Variants in SRGAP3 observed in about 807,000 individuals in gnomAD.
The protein encoded by SRGAP3 is SLIT-ROBO Rho GTPase-activating protein 3.
Under a neutral mutation model 121.1 loss-of-function variants are expected in SRGAP3, and 39 were observed. The observed-to-expected ratio is 0.32, with a 90% CI of 0.25 to 0.42. SRGAP3 has a LOEUF of 0.42. Among genes scored for constraint, SRGAP3 ranks in the 10% least tolerant of loss-of-function variants. The probability of loss-of-function intolerance (pLI) is 1.00; values close to 1 mark genes in which losing one functional copy is unlikely to be tolerated. For missense variants in SRGAP3, 1,213 were observed against 1,470.6 expected (o/e 0.82, Z 2.86); for synonymous variants, 601 against 570.0 (o/e 1.05, Z -0.77).
intron 2 of SRGAP3, among the ~76,000 whole-genome samples, chr3:9,107,747 A>G (rs112476928): frequency 2.2e-4 from 33 of 152,358 alleles, no homozygotes; most frequent in African/African-American, 7.9e-4. Flanking sequence ...ATTTGGATGC[A>G]TACTCAAGTT....
intron 4 of SRGAP3, among the ~76,000 whole-genome samples, chr3:9,078,609 T>C (rs866205122): frequency 3.9e-5 from 6 of 152,154 alleles, no homozygotes; most frequent in South Asian, 2.1e-4. Flanking sequence ...CAGGATCTCC[T>C]CGAATTCTCA....
intron 3 of SRGAP3, among the ~76,000 whole-genome samples, chr3:9,283,967 G>A (rs1469954539): frequency 1.3e-5 from 2 of 152,112 alleles, no homozygotes; most frequent in Admixed American, 1.3e-4. Context: ...GAATTATTTT[G>A]CATTGCCATC....
chr3:9,162,656 G>C (rs754295533), intron 1 of SRGAP3, among the ~76,000 whole-genome samples: 7 of 152,214 alleles, frequency 4.6e-5, no homozygotes, highest in African/African-American at 1.7e-4. Context: ...CACACACAGC[G>C]TGGGGAGCTG....
At chr3:9,228,790 G>A (rs140700686) in intron 1 of SRGAP3, among the ~76,000 whole-genome samples, 329 of 152,284 alleles carry the variant, frequency 2.2e-3, no homozygotes, top group South Asian at 0.016. Context: ...GGCCGGGCGC[G>A]GTGGGCTCAC....
chr3:9,189,581 T>A (rs1356402058), intron 1 of SRGAP3, among the ~76,000 whole-genome samples: 1 of 152,200 alleles, frequency 6.6e-6, no homozygotes, highest in Non-Finnish European at 1.5e-5. Context: ...TCCCTACACT[T>A]CCTGTAATCC....
rs1007652958 is a variant in SRGAP3 at position 9,067,748 on chromosome 3, C to T, written c.487-3167G>A. On this transcript the variant is annotated intron_variant, in intron 4 of 21. Coordinates refer to ENST00000383836, the MANE Select transcript of SRGAP3 (RefSeq NM_014850.4). The stretch of plus-strand genomic sequence containing the variant: ...AGGTGCAGCAAACCACGATGGCACA[C>T]GTTTACCTATGTAACAAACCTGCGT... 4.6e-5 allele frequency among the ~76,000 whole-genome samples: 7 copies of T among 152,192 alleles called. No homozygotes were observed. In the South Asian group the frequency reaches 8.3e-4, roughly 18 times the overall value.
At chr3:9,001,965 T>A (rs1942796886) in intron 18 of SRGAP3, among the ~76,000 whole-genome samples, 2 of 152,158 alleles carry the variant, frequency 1.3e-5, no homozygotes, top group African/African-American at 4.8e-5. Context: ...AAATAATTGT[T>A]AGAGACTTCA....
At chr3:9,080,387 G>A (rs2669987) in intron 3 of SRGAP3, among the ~76,000 whole-genome samples, 45,964 of 152,054 alleles carry the variant, frequency 0.3, 7,476 homozygotes, top group South Asian at 0.37. Context: ...ATGTGGGGAA[G>A]CCCCACAGAA....
intron 2 of SRGAP3, among the ~76,000 whole-genome samples, chr3:9,107,568 C>T (rs1483744676): frequency 6.6e-6 from 1 of 152,218 alleles, no homozygotes; most frequent in African/African-American, 2.4e-5. Flanking sequence ...AGAGAACACC[C>T]CGTTGACCAC....
intron 2 of SRGAP3, among the ~76,000 whole-genome samples, chr3:9,106,124 G>C (rs1381503728): frequency 6.6e-6 from 1 of 152,230 alleles, no homozygotes; most frequent in Admixed American, 6.5e-5. Context: ...AGGACCATCT[G>C]TATTTGCCAA....
rs188832272 is a variant in SRGAP3 at position 9,092,216 on chromosome 3, T to A, written c.424-12129A>T. ...GCTTTACGTAACAGGCCTGAGGAAG[T>A]CCAAGGATACCTCGGAATGGTTATG... On this transcript the variant is annotated intron_variant, in intron 3 of 21. Transcript: ENST00000383836. Among the ~76,000 whole-genome samples the A allele has an allele frequency of 1.0e-3, 152 of 152,014 alleles. 1 individual carries two copies. Among genetic ancestry groups the A allele is most frequent in the Non-Finnish European group, 4.6e-4 (31 of 67,958 alleles).
chr3:9,111,790 T>C (rs1480467369), intron 2 of SRGAP3, among the ~76,000 whole-genome samples: 1 of 152,220 alleles, frequency 6.6e-6, no homozygotes. Context: ...TCAGAATGAA[T>C]GAGGGCCAGT....
intron 4 of SRGAP3, among the ~76,000 whole-genome samples, chr3:9,071,192 C>G (rs1543143): frequency 2.0e-5 from 3 of 151,994 alleles, no homozygotes; most frequent in Non-Finnish European, 4.4e-5. Context: ...CTCATTCTCC[C>G]CAAGGGACTC....
At chr3:9,013,046 C>A (rs1574906453) in intron 17 of SRGAP3, among the ~76,000 whole-genome samples, 1 of 152,090 alleles carries the variant, frequency 6.6e-6, no homozygotes, top group African/African-American at 2.4e-5. Flanking sequence ...GAAGATATAT[C>A]CCCAGACTTT....
At chr3:9,234,344 A>G (rs1342087629) in intron 1 of SRGAP3, among the ~76,000 whole-genome samples, 1 of 151,996 alleles carries the variant, frequency 6.6e-6, no homozygotes, top group Non-Finnish European at 1.5e-5. Flanking sequence ...GTGACTGCCA[A>G]CTCTGCTTGG....
intron 2 of SRGAP3, among the ~76,000 whole-genome samples, chr3:9,123,732 A>ATGTGTGTGTGTGTGTG (rs532602901): frequency 0.042 from 5,762 of 138,304 alleles, 132 homozygotes; most frequent in African/African-American, 0.059. Flanking sequence ...ATATGTATAT[A>ATGTGTGTGTGTGTGTG]TGTGTGTGTG....
rs531506554 is a variant in SRGAP3, at chr3:9,173,037, A to C, written c.68-48120T>G. Reference sequence around the variant, plus strand: ...AGGTGGTGGGGCATGGCTCGTGGCCACAAGCCCCTAAGCACTGTGCACCAG... The same window carrying C: ...AGGTGGTGGGGCATGGCTCGTGGCCCCAAGCCCCTAAGCACTGTGCACCAG... On this transcript the variant is annotated intron_variant, in intron 1 of 21. Transcript: ENST00000383836. 3.9e-5 allele frequency among the ~76,000 whole-genome samples: 6 copies of C among 152,324 alleles called. No individual in the cohort carries two copies. The South Asian group carries it at 1.2e-3, about 32-fold the overall frequency.
chr3:9,073,327 T>C (rs566105530), intron 4 of SRGAP3, among the ~76,000 whole-genome samples: 1 of 152,306 alleles, frequency 6.6e-6, no homozygotes, highest in Admixed American at 6.5e-5. Context: ...GTATTTTTTG[T>C]AGAGAGAGGG....
intron 14 of SRGAP3, among the ~76,000 whole-genome samples, chr3:9,023,663 G>A (rs1944038987): frequency 6.6e-6 from 1 of 152,170 alleles, no homozygotes; most frequent in African/African-American, 2.4e-5. Flanking sequence ...ACTGTGTTTT[G>A]TTCATATTGC....
Sources: gnomAD v4.1 joint callset for allele counts (sites outside exome capture counted in the v4.1 genomes callset) on GRCh38, gnomAD v4.1.1 for gene constraint, MANE v1.5 for transcripts, NCBI Gene and HGNC (gene_info 2026-07-23, HGNC 2026-07-21) for gene names.